EPHB1: variants seen among roughly 807,000 people sequenced by gnomAD.
The protein encoded by EPHB1 is EPH receptor B1.
A neutral mutation model predicts 94.4 loss-of-function variants in EPHB1; 30 were observed. The observed-to-expected ratio is 0.32, with a 90% CI of 0.24 to 0.43. EPHB1 has a LOEUF of 0.43. Among genes scored for constraint, EPHB1 ranks in the 20% least tolerant of loss-of-function variants. The probability of loss-of-function intolerance (pLI) is 1.00; values close to 1 mark genes in which losing one functional copy is unlikely to be tolerated. For synonymous variants in EPHB1, 522 were observed against 489.1 expected, an observed-to-expected ratio of 1.07 and a Z score of -0.89; for missense variants, 1,055 against 1,308.3, an observed-to-expected ratio of 0.81 and a Z score of 2.99.
At chr3:135,122,776 GT>G (rs2107683713) in intron 4 of EPHB1, among the ~76,000 whole-genome samples, 1 of 152,320 alleles carries the variant, frequency 6.6e-6, no homozygotes, top group East Asian at 1.9e-4. Flanking sequence ...ACAAACACTG[GT>G]TTTGGTAAAA....
At chr3:135,224,962 G>C (rs1943358907) in intron 12 of EPHB1, among the ~76,000 whole-genome samples, 1 of 152,166 alleles carries the variant, frequency 6.6e-6, no homozygotes, top group African/African-American at 2.4e-5. Context: ...AGGCCTTTCA[G>C]ACCTAGCTTA....
intron 9 of EPHB1, among the ~76,000 whole-genome samples, chr3:135,170,599 C>A (rs1332703456): frequency 6.6e-6 from 1 of 151,994 alleles, no homozygotes; most frequent in African/African-American, 2.4e-5. Flanking sequence ...TAGGTGCTGG[C>A]TGACTAACAG....
chr3:135,088,973 A>G lies in EPHB1; in HGVS notation c.806-17475A>G, dbSNP rs556539133. On this transcript the variant is annotated intron_variant, in intron 3 of 15. Transcript: ENST00000398015. ...TATTTTCTATCTCATTCAATCATCA[A>G]AACAACTCTATGAGACAGGGACTAA... 2.6e-5 allele frequency among the ~76,000 whole-genome samples: 4 copies of G among 152,340 alleles called. No individual in the cohort carries two copies. The East Asian group carries it at 5.8e-4, about 22-fold the overall frequency.
At chr3:134,894,252 C>A (rs1216516253) in intron 1 of EPHB1, among the ~76,000 whole-genome samples, 2 of 152,184 alleles carry the variant, frequency 1.3e-5, no homozygotes, top group African/African-American at 4.8e-5. Context: ...CCCTGGATGT[C>A]CCCTTTTCAC....
rs145574131 is a variant in EPHB1 at position 134,917,366 on chromosome 3, T to C, written c.59-8450T>C. 3.9e-5 allele frequency among the ~76,000 whole-genome samples: 6 copies of C among 152,338 alleles called. No individual in the cohort carries two copies. The East Asian group carries it at 1.2e-3, about 29-fold the overall frequency. On this transcript the variant is annotated intron_variant, in intron 1 of 15. Transcript: ENST00000398015. ...AAAAGACCTTCCCATGTCCCCATGC[T>C]CTGGTCTGCTTCTCTGGAAGTCTAC...
At chr3:135,038,180 T>C (rs1936709288) in intron 3 of EPHB1, among the ~76,000 whole-genome samples, 1 of 152,242 alleles carries the variant, frequency 6.6e-6, no homozygotes, top group South Asian at 2.1e-4. Context: ...ATAACATGTG[T>C]GAGTTTACTT....
intron 1 of EPHB1, among the ~76,000 whole-genome samples, chr3:134,882,822 C>CT (rs67380292): frequency 4.2e-5 from 1 of 23,878 alleles, no homozygotes; most frequent in African/African-American, 8.7e-5. Context: ...TTCTTTCTTT[C>CT]TTTTCTTTCT....
At chr3:134,950,439 A>G (rs1469609387) in intron 2 of EPHB1, among the ~76,000 whole-genome samples, 3 of 152,262 alleles carry the variant, frequency 2.0e-5, no homozygotes, top group African/African-American at 7.2e-5. Context: ...TTGCATTGCT[A>G]TAAAGAAACA....
At chr3:134,796,830 C>T (rs1267143555) in intron 1 of EPHB1, among the ~76,000 whole-genome samples, 1 of 152,266 alleles carries the variant, frequency 6.6e-6, no homozygotes, top group African/African-American at 2.4e-5. Context: ...GACTCCAAGC[C>T]GGGGAGGAGC....
intron 3 of EPHB1, among the ~76,000 whole-genome samples, chr3:134,961,310 C>T (rs900713013): frequency 5.3e-5 from 8 of 152,106 alleles, no homozygotes; most frequent in Non-Finnish European, 1.0e-4. Flanking sequence ...CGAAGGACAG[C>T]GAGTCAAGCA....
chr3:135,093,876 G>A (rs1938652827), intron 3 of EPHB1, among the ~76,000 whole-genome samples: 1 of 152,118 alleles, frequency 6.6e-6, no homozygotes. Flanking sequence ...CCCACTATTT[G>A]CCAATATTTT....
chr3:135,217,191 T>C (rs1235469856), intron 12 of EPHB1, among the ~76,000 whole-genome samples: 1 of 151,910 alleles, frequency 6.6e-6, no homozygotes, highest in African/African-American at 2.4e-5. Context: ...ACAGCCAAGA[T>C]GAGTAGCAGA....
intron 3 of EPHB1, among the ~76,000 whole-genome samples, chr3:135,053,053 AT>A (rs1937239001): frequency 7.2e-6 from 1 of 138,176 alleles, no homozygotes; most frequent in African/African-American, 2.8e-5. Flanking sequence ...ATATATATAT[AT>A]AAAGTTGGTG....
At chr3:135,158,840 G>A (rs1941429579) in intron 6 of EPHB1, among the ~76,000 whole-genome samples, 1 of 152,160 alleles carries the variant, frequency 6.6e-6, no homozygotes, top group African/African-American at 2.4e-5. Flanking sequence ...ATGATTAAAC[G>A]TTTATGGTTA....
chr3:135,214,286 C>G (rs1943094618), intron 12 of EPHB1, among the ~76,000 whole-genome samples: 1 of 152,128 alleles, frequency 6.6e-6, no homozygotes, highest in African/African-American at 2.4e-5. Flanking sequence ...ACATGCTGCC[C>G]TGGTGGTTGC....
At chr3:135,053,918 C>T (rs1039882388) in intron 3 of EPHB1, among the ~76,000 whole-genome samples, 1 of 151,918 alleles carries the variant, frequency 6.6e-6, no homozygotes, top group Non-Finnish European at 1.5e-5. Context: ...TTTGAGCCCA[C>T]GAGTTCAAGG....
chr3:134,990,210 A>G (rs569700570), intron 3 of EPHB1, among the ~76,000 whole-genome samples: 11 of 152,352 alleles, frequency 7.2e-5, no homozygotes, highest in African/African-American at 2.6e-4. Context: ...ATATAGCTAT[A>G]GAGAAGTCTG....
chr3:135,254,977 C>A lies in EPHB1; in HGVS notation c.2847-4035C>A, dbSNP rs189988765. On this transcript the variant is annotated intron_variant, in intron 15 of 15. Coordinates refer to ENST00000398015, the MANE Select transcript of EPHB1 (RefSeq NM_004441.5). ...CATGTGTCAAGGAATTTATCCATTT[C>A]TTCTTGATTTTCTAGTTTATTTGCG... Among the ~76,000 whole-genome samples, 19 of 152,288 alleles carry A rather than the reference C, an allele frequency of 1.2e-4. No homozygotes were observed. The East Asian group carries it at 3.7e-3, about 29-fold the overall frequency.
At chr3:134,899,923 A>C (rs1187004334) in intron 1 of EPHB1, among the ~76,000 whole-genome samples, 2 of 152,194 alleles carry the variant, frequency 1.3e-5, no homozygotes, top group Non-Finnish European at 2.9e-5. Context: ...GTGAGTTTGC[A>C]AGGTAGTAGA....
Sources: allele counts gnomAD v4.1 joint callset (sites outside exome capture counted in the v4.1 genomes callset), GRCh38; gene constraint gnomAD v4.1.1; transcripts MANE v1.5; gene names NCBI Gene and HGNC (gene_info 2026-07-23, HGNC 2026-07-21).